The following FAM135A variants were observed in gnomAD, a reference collection of about 807,000 sequenced individuals.
FAM135A encodes the protein family with sequence similarity 135 member A.
A neutral mutation model predicts 146.8 loss-of-function variants in FAM135A; 79 were observed. The ratio of observed to expected loss-of-function variants is 0.54; its 90% CI spans 0.45 to 0.65. The LOEUF (loss-of-function observed/expected upper bound fraction) is 0.65. FAM135A is among the 30% of genes least tolerant of loss of function. The pLI, the probability that FAM135A is intolerant of heterozygous loss-of-function variation, is 0.00. For synonymous variants in FAM135A, 562 were observed against 603.6 expected, an observed-to-expected ratio of 0.93 and a Z score of 1.01; for missense variants, 1,623 against 1,758.2, an observed-to-expected ratio of 0.92 and a Z score of 1.38.
At chr6:70,516,423 T>C (rs1189397128) in intron 12 of FAM135A, among the ~76,000 whole-genome samples, 1 of 152,068 alleles carries the variant, frequency 6.6e-6, no homozygotes, top group Non-Finnish European at 1.5e-5. Flanking sequence ...AGCAGGATCC[T>C]AGATTCTAAT....
chr6:70,502,607 T>C, intron 11 of FAM135A, 29 bp from the exon 12 acceptor site: 1 of 1,592,236 alleles, frequency 6.3e-7, no homozygotes, highest in South Asian at 1.1e-5. Context: ...TCTTGGGAAA[T>C]AGTGAAATTT....
At chr6:70,431,725 G>C (rs745733365) in intron 4 of FAM135A, among the ~76,000 whole-genome samples, 1 of 152,164 alleles carries the variant, frequency 6.6e-6, no homozygotes, top group South Asian at 2.1e-4. Flanking sequence ...TTAACAACAT[G>C]ATTTTGACAA....
intron 10 of FAM135A, among the ~76,000 whole-genome samples, chr6:70,482,382 G>A (rs1023694178): frequency 1.4e-5 from 2 of 144,272 alleles, no homozygotes; most frequent in Non-Finnish European, 3.0e-5. Context: ...TGTGAAATGA[G>A]TCTTTTAAAA....
intron 4 of FAM135A, among the ~76,000 whole-genome samples, chr6:70,443,658 A>G (rs1378755065): frequency 6.6e-6 from 1 of 152,262 alleles, no homozygotes; most frequent in Non-Finnish European, 1.5e-5. Context: ...GTGAAAATTT[A>G]TAGTTTTTAA....
chr6:70,515,291 G>A (rs1344459605), intron 12 of FAM135A, among the ~76,000 whole-genome samples: 1 of 152,156 alleles, frequency 6.6e-6, no homozygotes, highest in African/African-American at 2.4e-5. Flanking sequence ...GAAAATTTAT[G>A]TCCACACAAA....
intron 20 of FAM135A, among the ~76,000 whole-genome samples, chr6:70,545,815 CAG>C (rs988311916): frequency 5.9e-5 from 9 of 152,110 alleles, no homozygotes; most frequent in Non-Finnish European, 1.0e-4. Context: ...CACTGAAGCA[CAG>C]AGAGATTGAA....
chr6:70,543,682 G>A (rs767348453), intron 20 of FAM135A, among the ~76,000 whole-genome samples: 16 of 152,172 alleles, frequency 1.1e-4, no homozygotes, highest in Non-Finnish European at 2.2e-4. Context: ...CATACCCTTT[G>A]CTGACAGGTT....
At chr6:70,463,591 ATGT>A (rs1161447082) in intron 5 of FAM135A, among the ~76,000 whole-genome samples, 1 of 152,086 alleles carries the variant, frequency 6.6e-6, no homozygotes, top group African/African-American at 2.4e-5. Context: ...CTTTTAGCTT[ATGT>A]TGTTATAATT....
rs1329314231 is a variant in FAM135A at position 70,526,438 on chromosome 6, C to T, written c.3354C>T (p.Ser1118=). 6.2e-7 allele frequency: 1 copy of T among 1,613,402 alleles called. No homozygotes were observed. The highest frequency in any genetic ancestry group is 8.5e-7 in the Non-Finnish European group (1 of 1,179,604). The change falls in exon 15 of 22, where the codon AGC becomes AGT. Residue 1118 remains serine, a synonymous_variant. Coordinates refer to ENST00000418814, the MANE Select transcript of FAM135A (RefSeq NM_001162529.3). The part of the protein sequence containing the change: ...LDGTINAHYT[S]RDELMEERLT... ...GAACAATAAATGCTCACTATACAAG[C>T]AGAGATGAACTAATGGAAGAAAGAC...
intron 12 of FAM135A, among the ~76,000 whole-genome samples, chr6:70,518,886 C>T (rs150867239): frequency 3.3e-5 from 5 of 152,300 alleles, no homozygotes; most frequent in East Asian, 1.9e-4. Flanking sequence ...AGGAGATTAA[C>T]GATGTTTCCA....
At chr6:70,470,247 A>G (rs185824248) in intron 5 of FAM135A, among the ~76,000 whole-genome samples, 2 of 152,338 alleles carry the variant, frequency 1.3e-5, no homozygotes, top group East Asian at 3.9e-4. Flanking sequence ...AACAGCAAAC[A>G]TTATCTCACA....
chr6:70,442,523 A>G (rs1774797588), intron 4 of FAM135A, among the ~76,000 whole-genome samples: 1 of 151,978 alleles, frequency 6.6e-6, no homozygotes, highest in African/African-American at 2.4e-5. Flanking sequence ...ATAGGTAACC[A>G]TTTTATTTTT....
At chr6:70,536,061 G>A (rs1796737695) in intron 18 of FAM135A, 199 bp from the exon 19 acceptor site, 1 of 472,670 alleles carries the variant, frequency 2.1e-6, no homozygotes, top group African/African-American at 2.0e-5. Flanking sequence ...TTTAAATTAT[G>A]TAATAATGAG....
intron 12 of FAM135A, among the ~76,000 whole-genome samples, chr6:70,517,192 C>A (rs1792466316): frequency 6.6e-6 from 1 of 152,022 alleles, no homozygotes. Flanking sequence ...TATTTTATCA[C>A]CTTTATGTGT....
intron 11 of FAM135A, among the ~76,000 whole-genome samples, chr6:70,501,794 A>C (rs1004267998): frequency 7.2e-5 from 11 of 152,088 alleles, no homozygotes. Flanking sequence ...GGTTGGACTC[A>C]CTGCCTAACC....
chr6:70,460,785 A>G (rs1004612582), intron 5 of FAM135A, among the ~76,000 whole-genome samples: 3 of 148,424 alleles, frequency 2.0e-5, no homozygotes, highest in African/African-American at 4.8e-5. Context: ...AGATTTATCT[A>G]TCGATCTATC....
chr6:70,483,410 T>C (rs1181699171), intron 10 of FAM135A, among the ~76,000 whole-genome samples: 3 of 152,176 alleles, frequency 2.0e-5, no homozygotes, highest in Non-Finnish European at 2.9e-5. Flanking sequence ...AAAATGGTAG[T>C]GTGGAAAAGA....
rs992629706 is a variant in FAM135A at position 70,477,417 on chromosome 6, G to T, written c.542+85G>T. 3.6e-6 allele frequency: 5 copies of T among 1,407,756 alleles called. No individual in the cohort carries two copies. In the Admixed American group the frequency reaches 6.5e-5, roughly 18 times the overall value. The allele number at this position is 1,407,756 out of a possible 1,614,324, so 87.2% of individuals were successfully genotyped here. On this transcript the variant is annotated intron_variant, in intron 8 of 21. Transcript: ENST00000418814. The stretch of plus-strand genomic sequence containing the variant: ...GAGACTGGTCAATTTATAAATAAAA[G>T]AGGTTTAATTGGGTCATGGTTCTTC...
At chr6:70,529,557 C>T (rs1795391854) in intron 16 of FAM135A, among the ~76,000 whole-genome samples, 2 of 151,900 alleles carry the variant, frequency 1.3e-5, no homozygotes, top group African/African-American at 4.8e-5. Flanking sequence ...ACTTCTGGAC[C>T]CAGAATCTGC....
Sources: gnomAD v4.1 joint callset for allele counts (sites outside exome capture counted in the v4.1 genomes callset) on GRCh38, gnomAD v4.1.1 for gene constraint, MANE v1.5 for transcripts, NCBI Gene and HGNC (gene_info 2026-07-23, HGNC 2026-07-21) for gene names.